MTFR1: variants seen among roughly 807,000 people sequenced by gnomAD.
The protein encoded by MTFR1 is mitochondrial fission regulator 1, also known as chondrocyte protein with a poly-proline region.
Under a neutral mutation model 38.8 loss-of-function variants are expected in MTFR1, and 28 were observed. The observed-to-expected ratio is 0.72, with a 90% confidence interval of 0.53 to 0.99. MTFR1 has a LOEUF of 0.99. Ranked by LOEUF, MTFR1 falls within the 50% of genes least tolerant of loss-of-function variation. The pLI, the probability that MTFR1 is intolerant of heterozygous loss-of-function variation, is 0.00. For synonymous variants in MTFR1, 145 were observed against 137.0 expected (o/e 1.06, Z -0.41); for missense variants, 358 against 395.5 (o/e 0.91, Z 0.81).
chr8:65,743,871 T>C (rs1364483716), intron 3 of MTFR1, among the ~76,000 whole-genome samples: 2 of 152,048 alleles, frequency 1.3e-5, no homozygotes, highest in African/African-American at 2.4e-5. Flanking sequence ...CTCGCTCTAT[T>C]GCCCAGGCTG....
chr8:65,710,599 T>TAAGA (rs1483149812), downstream of MTFR1: 3 of 152,520 alleles, frequency 2.0e-5, no homozygotes, highest in East Asian at 5.8e-4. Context: ...TCACAATAGG[T>TAAGA]AAGATTCTTT....
At chr8:65,749,963 CGG>C in intron 3 of MTFR1, among the ~76,000 whole-genome samples, 1 of 152,156 alleles carries the variant, frequency 6.6e-6, no homozygotes, top group Non-Finnish European at 1.5e-5. Flanking sequence ...AAGTATATAA[CGG>C]ACTCTTCTAA....
At chr8:65,706,630 T>C (rs1031039687) in intron 5 of MTFR1, among the ~76,000 whole-genome samples, 3 of 152,218 alleles carry the variant, frequency 2.0e-5, no homozygotes, top group Non-Finnish European at 4.4e-5. Context: ...GTTAGTTTTC[T>C]CAAATCATTA....
intron 3 of MTFR1, among the ~76,000 whole-genome samples, chr8:65,739,260 C>T (rs1370063486): frequency 6.6e-6 from 1 of 152,162 alleles, no homozygotes; most frequent in African/African-American, 2.4e-5. Context: ...CTCTACAAAA[C>T]CAACATGCAG....
At chr8:65,700,218 G>T (rs1227677118) in intron 4 of MTFR1, among the ~76,000 whole-genome samples, 1 of 151,744 alleles carries the variant, frequency 6.6e-6, no homozygotes. Context: ...GGGTGTGGTG[G>T]TACACACCTG....
chr8:65,752,028 A>G (rs942915403), intron 3 of MTFR1, among the ~76,000 whole-genome samples: 1 of 152,200 alleles, frequency 6.6e-6, no homozygotes. Flanking sequence ...GCACTGCTAC[A>G]GTTTTACAGT....
chr8:65,659,390 A>G (rs1463931322), intron 1 of MTFR1, among the ~76,000 whole-genome samples: 1 of 151,786 alleles, frequency 6.6e-6, no homozygotes, highest in Non-Finnish European at 1.5e-5. Context: ...TCAAGATCAC[A>G]AAAGATCACA....
intron 3 of MTFR1, among the ~76,000 whole-genome samples, chr8:65,756,471 T>C (rs975275407): frequency 1.3e-5 from 2 of 152,170 alleles, no homozygotes; most frequent in African/African-American, 4.8e-5. Flanking sequence ...AATGGACAGT[T>C]TGAATTATCT....
At chr8:65,729,417 G>C (rs1181620710) in intron 3 of MTFR1, among the ~76,000 whole-genome samples, 1 of 127,692 alleles carries the variant, frequency 7.8e-6, no homozygotes, top group African/African-American at 3.0e-5. Flanking sequence ...AAATATAGTA[G>C]AAATAGCAGA....
intron 5 of MTFR1, among the ~76,000 whole-genome samples, chr8:65,706,264 A>G (rs1380725060): frequency 2.0e-5 from 3 of 152,208 alleles, no homozygotes; most frequent in Admixed American, 2.0e-4. Flanking sequence ...GCTACCATAA[A>G]TAGATAATTT....
intron 4 of MTFR1, among the ~76,000 whole-genome samples, chr8:65,697,921 T>C (rs1165424432): frequency 1.3e-5 from 2 of 152,188 alleles, no homozygotes; most frequent in Non-Finnish European, 2.9e-5. Flanking sequence ...ACATATATGG[T>C]TTATAAATAT....
chr8:65,664,012 C>T (rs1016637601), intron 1 of MTFR1, among the ~76,000 whole-genome samples: 13 of 151,936 alleles, frequency 8.6e-5, no homozygotes, highest in African/African-American at 2.7e-4. Flanking sequence ...GACGGGGTTT[C>T]GCCATGTTGG....
chr8:65,738,736 A>G (rs1807263346), intron 3 of MTFR1, among the ~76,000 whole-genome samples: 1 of 152,186 alleles, frequency 6.6e-6, no homozygotes. Context: ...CCTGGCCCCA[A>G]ATAATCTTTA....
intron 2 of MTFR1, among the ~76,000 whole-genome samples, chr8:65,680,740 A>G (rs113264288): frequency 0.017 from 2,559 of 152,144 alleles, 79 homozygotes; most frequent in African/African-American, 0.058. Context: ...ATTCATACTC[A>G]GCTGATTTGG....
intron 3 of MTFR1, among the ~76,000 whole-genome samples, chr8:65,732,701 TG>T (rs1291767715): frequency 1.3e-5 from 2 of 152,194 alleles, no homozygotes; most frequent in Non-Finnish European, 1.5e-5. Context: ...TTTGTAGAGA[TG>T]GGATCTTGCT....
At chr8:65,743,264 G>T (rs2128903974) in intron 3 of MTFR1, among the ~76,000 whole-genome samples, 1 of 152,264 alleles carries the variant, frequency 6.6e-6, no homozygotes, top group East Asian at 1.9e-4. Context: ...AAGAAGGTGG[G>T]CCACTTGATA....
intron 1 of MTFR1, among the ~76,000 whole-genome samples, chr8:65,653,492 A>G (rs1809175664): frequency 6.6e-6 from 1 of 152,174 alleles, no homozygotes. Flanking sequence ...AGCCTGGGCA[A>G]CAGAGCAAGG....
intron 1 of MTFR1, among the ~76,000 whole-genome samples, chr8:65,662,518 A>C (rs1393202460): frequency 1.4e-5 from 2 of 145,562 alleles, no homozygotes; most frequent in East Asian, 4.0e-4. Flanking sequence ...CCCGGCCGCC[A>C]CCCCGTCTGG....
intron 1 of MTFR1, among the ~76,000 whole-genome samples, chr8:65,648,524 T>A (rs1398860355): frequency 6.6e-6 from 1 of 152,220 alleles, no homozygotes; most frequent in African/African-American, 2.4e-5. Flanking sequence ...ATTCCTTCAT[T>A]TATGATACTG....
Sources: allele counts gnomAD v4.1 joint callset (sites outside exome capture counted in the v4.1 genomes callset), GRCh38; gene constraint gnomAD v4.1.1; transcripts MANE v1.5; gene names NCBI Gene and HGNC (gene_info 2026-07-23, HGNC 2026-07-21).